The following ADCY2 variants were observed in gnomAD, a reference collection of about 807,000 sequenced individuals.
ADCY2 encodes adenylate cyclase type 2.
In ADCY2, 31 loss-of-function variants were observed where a neutral mutation model predicts 125.2. That is an observed-to-expected ratio of 0.25 (90% CI 0.19 to 0.33). The LOEUF (loss-of-function observed/expected upper bound fraction) is 0.33. Among genes scored for constraint, ADCY2 ranks in the 10% least tolerant of loss-of-function variants. The pLI is 1.00. For missense variants in ADCY2, 904 were observed against 1,418.2 expected (o/e 0.64, Z 5.82); for synonymous variants, 512 against 548.4 (o/e 0.93, Z 0.93).
At chr5:7,432,469 T>C (rs1380965363) in intron 2 of ADCY2, among the ~76,000 whole-genome samples, 1 of 151,796 alleles carries the variant, frequency 6.6e-6, no homozygotes, top group African/African-American at 2.4e-5. Flanking sequence ...GGTACAGAGT[T>C]TTTTCCTGCC....
chr5:7,449,976 G>A (rs903249518), intron 2 of ADCY2, among the ~76,000 whole-genome samples: 2 of 152,178 alleles, frequency 1.3e-5, no homozygotes, highest in African/African-American at 4.8e-5. Context: ...AATACATGCT[G>A]TGTGTCTTTT....
At chr5:7,516,944 G>C (rs1403384737) in intron 2 of ADCY2, among the ~76,000 whole-genome samples, 1 of 152,108 alleles carries the variant, frequency 6.6e-6, no homozygotes, top group Non-Finnish European at 1.5e-5. Flanking sequence ...GTGGCTGTGA[G>C]GAGAGAATTT....
intron 22 of ADCY2, among the ~76,000 whole-genome samples, chr5:7,807,643 C>T (rs537881542): frequency 2.0e-5 from 3 of 152,190 alleles, no homozygotes; most frequent in African/African-American, 4.8e-5. Flanking sequence ...TCTGCACATT[C>T]GATCTCCACC....
intron 3 of ADCY2, among the ~76,000 whole-genome samples, chr5:7,556,888 C>T (rs1184331757): frequency 1.3e-5 from 2 of 152,002 alleles, no homozygotes; most frequent in African/African-American, 2.4e-5. Flanking sequence ...CCACCTCATC[C>T]GTGGAAAAAT....
At chr5:7,448,326 G>T (rs367819563) in intron 2 of ADCY2, among the ~76,000 whole-genome samples, 1 of 152,188 alleles carries the variant, frequency 6.6e-6, no homozygotes, top group Non-Finnish European at 1.5e-5. Context: ...GTCAGGTGCT[G>T]TCTGTCCTTT....
At chr5:7,451,127 T>G (rs776606799) in intron 2 of ADCY2, among the ~76,000 whole-genome samples, 30 of 152,360 alleles carry the variant, frequency 2.0e-4, no homozygotes, top group Non-Finnish European at 4.3e-4. Flanking sequence ...TAATTTCAAC[T>G]TTCAAGTCTT....
At chr5:7,506,069 T>C (rs541873265) in intron 2 of ADCY2, among the ~76,000 whole-genome samples, 1 of 152,242 alleles carries the variant, frequency 6.6e-6, no homozygotes, top group South Asian at 2.1e-4. Context: ...AGCCAACCTG[T>C]TATTGAGGGC....
At chr5:7,475,188 AACCGGAAGTGCAAAG>A (rs1742476094) in intron 2 of ADCY2, among the ~76,000 whole-genome samples, 2 of 152,166 alleles carry the variant, frequency 1.3e-5, no homozygotes, top group Non-Finnish European at 2.9e-5. Flanking sequence ...ATGAAGAGAA[AACCGGAAGTGCAAAG>A]ACCGGAAGTG....
chr5:7,410,413 CAAAG>C (rs1739663277), intron 1 of ADCY2, among the ~76,000 whole-genome samples: 1 of 150,710 alleles, frequency 6.6e-6, no homozygotes, highest in African/African-American at 2.4e-5. Flanking sequence ...ATCTAAGAAA[CAAAG>C]GAATTGTCAC....
At chr5:7,805,910 G>A (rs147442129) in intron 22 of ADCY2, among the ~76,000 whole-genome samples, 80 of 152,250 alleles carry the variant, frequency 5.3e-4, no homozygotes, top group African/African-American at 1.9e-3. Context: ...TCCTCTTCAG[G>A]TGGTTGCCTT....
intron 3 of ADCY2, among the ~76,000 whole-genome samples, chr5:7,529,806 G>A (rs746828114): frequency 6.6e-6 from 1 of 152,240 alleles, no homozygotes; most frequent in Admixed American, 6.5e-5. Flanking sequence ...CCACATCCAT[G>A]ACTGATAGAG....
chr5:7,483,797 C>T (rs13357571), intron 2 of ADCY2, among the ~76,000 whole-genome samples: 7,625 of 152,276 alleles, frequency 0.05, 280 homozygotes, highest in African/African-American at 0.096. Context: ...ATCTTTTCCT[C>T]TCCAAATCTG....
chr5:7,666,853 G>C (rs376115126), intron 4 of ADCY2, among the ~76,000 whole-genome samples: 1 of 152,132 alleles, frequency 6.6e-6, no homozygotes, highest in East Asian at 1.9e-4. Context: ...TCTTCCCTCC[G>C]TGTGCTTGCG....
intron 17 of ADCY2, among the ~76,000 whole-genome samples, chr5:7,771,292 C>T (rs1743550564): frequency 6.6e-6 from 1 of 152,176 alleles, no homozygotes; most frequent in African/African-American, 2.4e-5. Flanking sequence ...CTCTTCTTTT[C>T]CTTTTCCTGT....
chr5:7,440,934 C>T (rs1228681336), intron 2 of ADCY2, among the ~76,000 whole-genome samples: 1 of 152,130 alleles, frequency 6.6e-6, no homozygotes, highest in Non-Finnish European at 1.5e-5. Flanking sequence ...GAAGATGCTG[C>T]TGTCTCCACG....
intron 2 of ADCY2, among the ~76,000 whole-genome samples, chr5:7,498,219 A>G (rs1743411224): frequency 6.6e-6 from 1 of 150,766 alleles, no homozygotes; most frequent in African/African-American, 2.4e-5. Context: ...TAGAGTAAGT[A>G]AAACTCTTTT....
chr5:7,619,090 C>A (rs1201165597), intron 3 of ADCY2, among the ~76,000 whole-genome samples: 1 of 152,228 alleles, frequency 6.6e-6, no homozygotes, highest in Non-Finnish European at 1.5e-5. Context: ...AACACTCATT[C>A]GACTATCTAA....
In ADCY2 at chr5:7,573,593, C is replaced by CTTTTTTTTTTTTTTTTTTTTTTTTTTTT. The variant is rs763347773; in HGVS notation, c.571-52549_571-52548insTTTTTTTTTTTTTTTTTTTTTTTTTTTT. Among the ~76,000 whole-genome samples the CTTTTTTTTTTTTTTTTTTTTTTTTTTTT allele has an allele frequency of 2.1e-4, 18 of 86,366 alleles. 1 individual carries two copies. The highest frequency in any genetic ancestry group is 3.6e-4 in the Non-Finnish European group (15 of 41,874). The allele number at this position is 86,366 out of a possible 152,430, so 56.7% of individuals were successfully genotyped here. On this transcript the variant is annotated intron_variant, in intron 3 of 24. Coordinates refer to ENST00000338316, the MANE Select transcript of ADCY2 (RefSeq NM_020546.3). Reference sequence around the variant, plus strand: ...GCCTCTGGGATACAGGGTTGATTTTCTTTTTTTTTTTTTTTTTTTTTTTTT... The same window carrying CTTTTTTTTTTTTTTTTTTTTTTTTTTTT: ...GCCTCTGGGATACAGGGTTGATTTTCTTTTTTTTTTTTTTTTTTTTTTTTTTTTTTTTTTTTTTTTTTTTTTTTTTTTT...
chr5:7,690,343 T>C lies in ADCY2; in HGVS notation c.721-348T>C, dbSNP rs767523305. The stretch of plus-strand genomic sequence containing the variant: ...TGCAGGCAAAAATGAGTGTTCTCTA[T>C]CTTAGACTGACCAGTGATTTCTGAA... On this transcript the variant is annotated intron_variant, in intron 4 of 24. Coordinates refer to ENST00000338316, the MANE Select transcript of ADCY2 (RefSeq NM_020546.3). Among the ~76,000 whole-genome samples the C allele has an allele frequency of 5.3e-5, 8 of 152,208 alleles. No individual in the cohort carries two copies. The South Asian group carries it at 1.0e-3, about 20-fold the overall frequency.
Sources: gnomAD v4.1 joint callset for allele counts (sites outside exome capture counted in the v4.1 genomes callset) on GRCh38, gnomAD v4.1.1 for gene constraint, MANE v1.5 for transcripts, NCBI Gene and HGNC (gene_info 2026-07-23, HGNC 2026-07-21) for gene names.